Variants in RTRAF observed in about 807,000 individuals in gnomAD.
The protein encoded by RTRAF is tRNA-splicing ligase complex subunit RTRAF.
In RTRAF, 14 loss-of-function variants were observed where a neutral mutation model predicts 34.4. That is an observed-to-expected ratio of 0.41 (90% CI 0.27 to 0.64). RTRAF has a LOEUF of 0.64. Ranked by LOEUF, RTRAF falls within the 30% of genes least tolerant of loss-of-function variation. RTRAF has a pLI of 0.34. For synonymous variants in RTRAF, 96 were observed against 95.3 expected, an observed-to-expected ratio of 1.01 and a Z score of -0.04; for missense variants, 291 against 288.4, an observed-to-expected ratio of 1.01 and a Z score of -0.06.
chr14:51,997,927 C>A (rs1890545071), intron 3 of RTRAF: 1 of 151,774 alleles, frequency 6.6e-6, no homozygotes, highest in South Asian at 2.1e-4. Flanking sequence ...AAATGATTGC[C>A]TTTAGAAATG....
chr14:52,002,193 A>C (rs1166183803), intron 6 of RTRAF, among the ~76,000 whole-genome samples: 1 of 152,184 alleles, frequency 6.6e-6, no homozygotes, highest in East Asian at 1.9e-4. Context: ...GATTATTTTG[A>C]CTCATGCTGG....
intron 6 of RTRAF, 147 bp from the exon 7 acceptor site, chr14:52,004,047 C>A: frequency 1.4e-6 from 1 of 709,938 alleles, no homozygotes; most frequent in Non-Finnish European, 2.4e-6. Context: ...CATCACAAAG[C>A]AAATATAAAC....
intron 2 of RTRAF, among the ~76,000 whole-genome samples, 172 bp from the exon 3 acceptor site, chr14:51,993,551 T>C (rs1209678715): frequency 6.6e-6 from 1 of 152,200 alleles, no homozygotes; most frequent in Non-Finnish European, 1.5e-5. Context: ...CTTAAGATGA[T>C]ACACTTAAAT....
At chr14:52,002,993 GTCAATCAT>G (rs779747616) in intron 6 of RTRAF, among the ~76,000 whole-genome samples, 68 of 150,264 alleles carry the variant, frequency 4.5e-4, no homozygotes, top group South Asian at 2.1e-3. Flanking sequence ...GTGTAATAAA[GTCAATCAT>G]TCATTCATTC....
chr14:51,998,521 A>G lies in RTRAF; in HGVS notation c.314A>G (p.Asp105Gly), dbSNP rs1250632808. 3 of 1,589,604 alleles carry G rather than the reference A, an allele frequency of 1.9e-6. No homozygotes were observed. Among genetic ancestry groups the G allele is most frequent in the East Asian group, 4.6e-5 (2 of 43,400 alleles). ...GAAAAATACAAGGATTTAGTACCTG[A>G]TAATTCAAAAACTGCTGACAATGCA... ...NAEKYKDLVP[D>G]NSKTADNATK... The change falls in exon 4 of 8, where the codon GAT becomes GGT. Residue 105 changes from aspartate to glycine, a missense_variant. Coordinates refer to ENST00000261700, the MANE Select transcript of RTRAF (RefSeq NM_016039.3).
intron 3 of RTRAF, among the ~76,000 whole-genome samples, chr14:51,995,989 A>G (rs185199962): frequency 6.6e-6 from 1 of 152,142 alleles, no homozygotes; most frequent in East Asian, 1.9e-4. Context: ...TTTATTCCCA[A>G]ATTCTTACAT....
chr14:51,991,689 A>T (rs1256008559), intron 2 of RTRAF, among the ~76,000 whole-genome samples: 1 of 152,256 alleles, frequency 6.6e-6, no homozygotes, highest in Non-Finnish European at 1.5e-5. Context: ...AAGTTTCTTA[A>T]ATAAATAATG....
Position 52,004,505 on chromosome 14 carries a change from G to C in RTRAF, c.724G>C (p.Val242Leu), listed in dbSNP as rs1890675822. ...DPKTDHRLGK[V>L]GR ...AAAGACAGACCACAGACTGGGAAAA[G>C]TTGGAAGATGAACACTTGAGGACTT... The change falls in exon 8 of 8, where the codon GTT (valine) becomes CTT (leucine). Residue 242 changes from valine to leucine, a missense_variant. Transcript: ENST00000261700. The C allele has an allele frequency of 1.2e-6, 2 of 1,612,988 alleles. No individual in the cohort carries two copies. Among genetic ancestry groups the C allele is most frequent in the Non-Finnish European group, 1.7e-6 (2 of 1,179,718 alleles).
Position 52,007,452 on chromosome 14 carries a change from C to A in RTRAF, c.*2936C>A. On this transcript the variant is annotated 3_prime_UTR_variant, in exon 8 of 8. Transcript: ENST00000261700. The stretch of plus-strand genomic sequence containing the variant: ...AATGCTTTCCAAAGAATGTCCTTAG[C>A]ATTATAACAGATGTTTATAGGTAAG... 3.8e-6 allele frequency: 1 copy of A among 264,040 alleles called. No homozygotes were observed. The highest frequency in any genetic ancestry group is 7.3e-6 in the Non-Finnish European group (1 of 137,388). The allele number at this position is 264,040 out of a possible 1,614,324, so 16.4% of individuals were successfully genotyped here. A position where few individuals can be genotyped will look rare whatever the true frequency, so the allele number is the denominator to read the frequency against.
chr14:51,991,275 A>G (rs778396131), intron 1 of RTRAF, 42 bp from the exon 2 acceptor site: 4 of 1,586,506 alleles, frequency 2.5e-6, no homozygotes, highest in Non-Finnish European at 2.6e-6. Flanking sequence ...GAGGTATTTT[A>G]TGTAGTGCTT....
intron 6 of RTRAF, among the ~76,000 whole-genome samples, chr14:52,002,694 A>AACACCTG (rs1289581122): frequency 2.6e-5 from 4 of 152,216 alleles, no homozygotes; most frequent in African/African-American, 9.6e-5. Flanking sequence ...AGTGTCTGAT[A>AACACCTG]ACACCTGCCT....
At position 52,007,517 on chromosome 14, in the gene RTRAF, A is replaced by C. The variant is rs1594995016; in HGVS notation, c.*3001A>C. 2.8e-6 allele frequency: 1 copy of C among 360,794 alleles called. No individual in the cohort carries two copies. Among genetic ancestry groups the C allele is most frequent in the Admixed American group, 4.8e-5 (1 of 20,984 alleles). 22.3% of individuals were successfully genotyped at this position (360,794 alleles called of 1,614,324 possible). ...TCCCCGCATAAGAATAACTTCACTT[A>C]AGTTTGTCAATTCAACAATGGCTAA... On this transcript the variant is annotated 3_prime_UTR_variant, in exon 8 of 8. Coordinates refer to ENST00000261700, the MANE Select transcript of RTRAF (RefSeq NM_016039.3).
At chr14:51,994,115 C>T (rs973860108) in intron 3 of RTRAF, among the ~76,000 whole-genome samples, 2 of 152,014 alleles carry the variant, frequency 1.3e-5, no homozygotes, top group Non-Finnish European at 2.9e-5. Flanking sequence ...TTTTAGTGTC[C>T]CAGAATTGAT....
intron 3 of RTRAF, among the ~76,000 whole-genome samples, chr14:51,997,542 A>G (rs559036425): frequency 3.9e-5 from 6 of 152,064 alleles, no homozygotes; most frequent in African/African-American, 1.2e-4. Context: ...AGCACTGTAT[A>G]GCCTAAGATG....
chr14:52,000,815 T>C (rs1457333344), intron 5 of RTRAF, among the ~76,000 whole-genome samples: 1 of 152,196 alleles, frequency 6.6e-6, no homozygotes, highest in Non-Finnish European at 1.5e-5. Context: ...AGTGATCATG[T>C]CAGCTTTAAT....
At chr14:52,000,706 G>A (rs57961992) in intron 5 of RTRAF, among the ~76,000 whole-genome samples, 26,890 of 152,046 alleles carry the variant, frequency 0.18, 3,067 homozygotes, top group East Asian at 0.52. Context: ...AATCCAGATT[G>A]CATGCCAAAA....
chr14:52,002,691 G>C (rs1455393801), intron 6 of RTRAF, among the ~76,000 whole-genome samples: 34 of 152,222 alleles, frequency 2.2e-4, no homozygotes. Flanking sequence ...AGCAGTGTCT[G>C]ATAACACCTG....
chr14:51,990,610 A>C (rs1890417008), intron 1 of RTRAF, among the ~76,000 whole-genome samples: 1 of 152,186 alleles, frequency 6.6e-6, no homozygotes, highest in Non-Finnish European at 1.5e-5. Flanking sequence ...TTCTACTTTA[A>C]CAAAAAAGTA....
chr14:52,001,587 A>G (rs1291964082), intron 5 of RTRAF, among the ~76,000 whole-genome samples: 1 of 152,212 alleles, frequency 6.6e-6, no homozygotes, highest in Non-Finnish European at 1.5e-5. Context: ...AATTGTTGCA[A>G]GCACCATTCA....
Sources: gnomAD v4.1 joint callset for allele counts (sites outside exome capture counted in the v4.1 genomes callset) on GRCh38, gnomAD v4.1.1 for gene constraint, MANE v1.5 for transcripts, NCBI Gene and HGNC (gene_info 2026-07-23, HGNC 2026-07-21) for gene names.